MYO18A: variants seen among roughly 807,000 people sequenced by gnomAD.
The protein encoded by MYO18A is myosin XVIIIA.
MYO18A carries 78 observed loss-of-function variants against 235.8 expected under a neutral mutation model. The observed-to-expected ratio is 0.33, with a 90% CI of 0.28 to 0.40. The LOEUF is 0.40. Ranked by LOEUF, MYO18A falls within the 10% of genes least tolerant of loss-of-function variation. The pLI, the probability that MYO18A is intolerant of heterozygous loss-of-function variation, is 1.00. For missense variants in MYO18A, 2,215 were observed against 2,699.3 expected (o/e 0.82, Z 3.98); for synonymous variants, 977 against 1,077.8 (o/e 0.91, Z 1.83).
chr17:29,109,899 C>G lies in MYO18A; in HGVS notation c.3290G>C (p.Arg1097Pro). ...CATGGCATCGAGCAGGCGGGAGCCGCGGAGCTGGGTGCGGAGCAGGGGCAC... is the reference window on the plus strand; with the variant it reads ...CATGGCATCGAGCAGGCGGGAGCCGGGGAGCTGGGTGCGGAGCAGGGGCAC... ...LDVPLLRTQLRGSRLLDAMRM... is the reference protein window; with the variant it reads ...LDVPLLRTQLPGSRLLDAMRM... Residue 1097 changes from arginine to proline, a missense_variant, in exon 19 of 42, where the codon CGC becomes CCC. By Grantham distance (103) the Arg-to-Pro change is moderately radical. Transcript: ENST00000527372. This position sits in a 1 kb window ranked among gnomAD's most constrained non-coding sequence, Gnocchi z 4.1. 1 of 1,576,054 alleles carries G rather than the reference C, an allele frequency of 6.3e-7. No homozygotes were observed. Among genetic ancestry groups the G allele is most frequent in the Non-Finnish European group, 8.6e-7 (1 of 1,160,860 alleles).
intron 19 of MYO18A, 121 bp from the exon 20 acceptor site, chr17:29,107,310 G>T: frequency 1.1e-6 from 1 of 889,970 alleles, no homozygotes; most frequent in Non-Finnish European, 1.8e-6. Context: ...GCAGGGGGTG[G>T]GGAGCCTGTG....
rs897376522 is a variant in MYO18A at position 29,140,460 on chromosome 17, G to A, written c.1000-18207C>T. 1.7e-5 allele frequency: 20 copies of A among 1,210,646 alleles called. No homozygotes were observed. Among genetic ancestry groups the A allele is most frequent in the Non-Finnish European group, 1.8e-5 (17 of 948,480 alleles). 75.0% of individuals were successfully genotyped at this position (1,210,646 alleles called of 1,614,324 possible). On this transcript the variant is annotated intron_variant, in intron 2 of 41. Transcript: ENST00000527372. The surrounding 1 kb of genome is among the most constrained non-coding windows in gnomAD (Gnocchi z 4.2). ...CCCGCCCAGTTCCCGCCCTCTCCCC[G>A]GCCCCTCCCGTCCCGAGCTGCCCAG...
chr17:29,123,931 CCA>C (rs1362055518), intron 2 of MYO18A, among the ~76,000 whole-genome samples: 2 of 151,968 alleles, frequency 1.3e-5, no homozygotes, highest in East Asian at 3.9e-4. Flanking sequence ...ACCTGTAGTC[CCA>C]GCTACTTGGG....
chr17:29,129,126 A>G (rs767340818), intron 2 of MYO18A: 62 of 1,288,894 alleles, frequency 4.8e-5, no homozygotes, highest in Non-Finnish European at 5.9e-5. Flanking sequence ...ATCCTGAAGG[A>G]AAAAATGATC....
In MYO18A at chr17:29,115,397, C is replaced by T. The variant is rs765659433; in HGVS notation, c.2272G>A (p.Gly758Ser). 6.8e-6 allele frequency: 11 copies of T among 1,613,766 alleles called. No individual in the cohort carries two copies. The highest frequency in any genetic ancestry group is 6.7e-5 in the Admixed American group (4 of 60,006). The stretch of plus-strand genomic sequence containing the variant: ...AGGGTGAAGAGCTCGCTGTAGAGGC[C>T]GGCCGCCATGCCCTCAAGGCACTCC... ...ALECLEGMAA[G>S]LYSELFTLLV... Residue 758 changes from glycine (G) to serine (S), a missense_variant, in exon 13 of 42, where the codon GGC becomes AGC. Gly to Ser is a moderately conservative substitution (Grantham distance 56). Transcript: ENST00000527372.
intron 41 of MYO18A, chr17:29,076,146 T>G (rs2065970697): frequency 6.5e-6 from 1 of 153,858 alleles, no homozygotes; most frequent in African/African-American, 2.4e-5. Flanking sequence ...AGACACGGCC[T>G]AGGCATGTGA....
At chr17:29,143,274 C>T (rs564415873) in intron 2 of MYO18A, among the ~76,000 whole-genome samples, 1 of 152,312 alleles carries the variant, frequency 6.6e-6, no homozygotes, top group South Asian at 2.1e-4. Flanking sequence ...GCTCTTTTGC[C>T]CAGGCTGGAG....
At position 29,158,511 on chromosome 17, in the gene MYO18A, C is replaced by T. The variant is rs931807545; in HGVS notation, c.999+7431G>A. ...GGGCCCTGAAAACTCCGCTCTTTCG[C>T]AGTGGCTGTCTGGCATGGTGGGCGC... On this transcript the variant is annotated intron_variant, in intron 2 of 41. Transcript: ENST00000527372. This position sits in a 1 kb window ranked among gnomAD's most constrained non-coding sequence, Gnocchi z 4.3. Among the ~76,000 whole-genome samples the T allele has an allele frequency of 6.6e-6, 1 of 152,244 alleles. No homozygotes were observed. Among genetic ancestry groups the T allele is most frequent in the Non-Finnish European group, 1.5e-5 (1 of 68,044 alleles).
intron 19 of MYO18A, among the ~76,000 whole-genome samples, chr17:29,108,252 C>A (rs1298907055): frequency 2.0e-5 from 3 of 152,080 alleles, no homozygotes; most frequent in African/African-American, 7.2e-5. Context: ...GGCCAGGTGA[C>A]CAAAAAGACT....
In MYO18A at chr17:29,073,375, C is replaced by T. The variant is rs921553863; in HGVS notation, c.*1395G>A. 3 of 154,150 alleles carry T rather than the reference C, an allele frequency of 1.9e-5. No homozygotes were observed. The highest frequency in any genetic ancestry group is 7.2e-5 in the African/African-American group (3 of 41,494). The allele number at this position is 154,150 out of a possible 1,614,324, so 9.5% of individuals were successfully genotyped here. The stretch of plus-strand genomic sequence containing the variant: ...TGAGCTGCCTAGGCTCTTTAAGTGG[C>T]ACTGGTCTGACACTTTGGGGAGCAG... On this transcript the variant is annotated 3_prime_UTR_variant, in exon 42 of 42. Transcript: ENST00000527372.
intron 2 of MYO18A, among the ~76,000 whole-genome samples, chr17:29,150,901 T>C (rs2067952076): frequency 6.6e-6 from 1 of 151,922 alleles, no homozygotes; most frequent in African/African-American, 2.4e-5. Context: ...AAACATGAAG[T>C]TGGTTGGAAG....
chr17:29,108,669 T>C (rs1477528695), intron 19 of MYO18A, among the ~76,000 whole-genome samples: 1 of 152,288 alleles, frequency 6.6e-6, no homozygotes, highest in South Asian at 2.1e-4. Flanking sequence ...GGCTGATGCA[T>C]GTGCCTGATA....
intron 2 of MYO18A, among the ~76,000 whole-genome samples, chr17:29,131,782 T>C (rs565919342): frequency 6.6e-6 from 1 of 152,318 alleles, no homozygotes; most frequent in South Asian, 2.1e-4. Flanking sequence ...TCCAGCTAAT[T>C]TAACTCATCC....
intron 2 of MYO18A, among the ~76,000 whole-genome samples, chr17:29,155,725 A>C (rs2152957048): frequency 6.6e-6 from 1 of 152,290 alleles, no homozygotes; most frequent in East Asian, 1.9e-4. Flanking sequence ...GCCTGGCCCC[A>C]CCTGAGGATG....
Position 29,096,829 on chromosome 17 carries a change from C to A in MYO18A, c.4317G>T (p.Leu1439=). Residue 1439 remains leucine, a synonymous_variant, in exon 28 of 42, where the codon CTG becomes CTT. Transcript: ENST00000527372. ...CCTCCAGGTGCAGCTTGGTGTCTTG[C>A]AGCTCAGCCGTCAGTCGCTGGCACT... ...KKKCQRLTAE[L]QDTKLHLEGQ... 6.3e-7 allele frequency: 1 copy of A among 1,599,768 alleles called. No homozygotes were observed. Among genetic ancestry groups the A allele is most frequent in the Middle Eastern group, 1.7e-4 (1 of 6,024 alleles).
intron 18 of MYO18A, 105 bp downstream of exon 18, chr17:29,110,331 G>C (rs186717794): frequency 1.5e-6 from 2 of 1,367,968 alleles, no homozygotes; most frequent in African/African-American, 2.9e-5. Context: ...GTGGGACGCT[G>C]AGTGGGCACC....
chr17:29,154,941 A>T (rs902529959), intron 2 of MYO18A, among the ~76,000 whole-genome samples: 1 of 152,164 alleles, frequency 6.6e-6, no homozygotes, highest in African/African-American at 2.4e-5. Context: ...ACACAAGGAG[A>T]TGGTATCAGA....
In MYO18A at chr17:29,118,814, T is replaced by G. The variant is rs545652188; in HGVS notation, c.1830-374A>C. 6.6e-6 allele frequency among the ~76,000 whole-genome samples: 1 copy of G among 152,328 alleles called. No individual in the cohort carries two copies. The highest frequency in any genetic ancestry group is 2.4e-5 in the African/African-American group (1 of 41,566). On this transcript the variant is annotated intron_variant, in intron 8 of 41. Transcript: ENST00000527372. This position sits in a 1 kb window ranked among gnomAD's most constrained non-coding sequence, Gnocchi z 4.2. The stretch of plus-strand genomic sequence containing the variant: ...GGCTCAGCCTCATCATTTATCTCTT[T>G]TTAGTGAACACACGCGGCAAATCTG...
intron 20 of MYO18A, among the ~76,000 whole-genome samples, chr17:29,105,128 C>T (rs1330431201): frequency 2.1e-5 from 3 of 143,532 alleles, no homozygotes; most frequent in Non-Finnish European, 4.5e-5. Flanking sequence ...GCTCAGATGG[C>T]GCCACTGCAC....
Sources: gnomAD v4.1 joint callset for allele counts (sites outside exome capture counted in the v4.1 genomes callset) on GRCh38, gnomAD v4.1.1 for gene constraint, Gnocchi (gnomAD v3.1) non-coding constraint, MANE v1.5 for transcripts, NCBI Gene and HGNC (gene_info 2026-07-23, HGNC 2026-07-21) for gene names.